The following CD109 variants were observed in gnomAD, a reference collection of about 807,000 sequenced individuals.
CD109 encodes CD109 antigen.
Under a neutral mutation model 165.8 loss-of-function variants are expected in CD109, and 149 were observed. The ratio of observed to expected loss-of-function variants is 0.90; its 90% CI spans 0.79 to 1.03. The LOEUF is 1.03. Among genes scored for constraint, CD109 ranks in the 50% least tolerant of loss-of-function variants. The pLI is 0.00. For synonymous variants in CD109, 585 were observed against 592.1 expected (o/e 0.99, Z 0.18); for missense variants, 1,712 against 1,677.8 (o/e 1.02, Z -0.36).
intron 17 of CD109, among the ~76,000 whole-genome samples, chr6:73,781,836 C>CACACACACACA (rs386359122): frequency 4.8e-5 from 3 of 62,102 alleles, no homozygotes; most frequent in African/African-American, 7.2e-5. Context: ...CACACACACA[C>CACACACACACA]CCCTCATCAA....
intron 4 of CD109, among the ~76,000 whole-genome samples, chr6:73,732,690 C>A (rs1772408654): frequency 6.6e-6 from 1 of 152,258 alleles, no homozygotes; most frequent in African/African-American, 2.4e-5. Flanking sequence ...ATTGCCTGTT[C>A]TAGACATCAA....
intron 31 of CD109, 39 bp downstream of exon 31, chr6:73,818,574 C>T (rs1776016140): frequency 6.4e-7 from 1 of 1,573,170 alleles, no homozygotes; most frequent in Non-Finnish European, 8.7e-7. Flanking sequence ...GACAAAGCCA[C>T]TGTGTTTTGT....
upstream of CD109, among the ~76,000 whole-genome samples, chr6:73,693,038 A>G (rs925695418): frequency 8.5e-5 from 13 of 152,188 alleles, no homozygotes; most frequent in African/African-American, 3.1e-4. Flanking sequence ...CCAATTAAAC[A>G]AATAGTTTTT....
At chr6:73,694,579 T>C (rs1770758780), upstream of CD109, 1 of 152,274 alleles carries the variant, frequency 6.6e-6, no homozygotes, top group African/African-American at 2.4e-5. Flanking sequence ...TTTTCTGTGT[T>C]CTTAATTGCC....
intron 22 of CD109, among the ~76,000 whole-genome samples, chr6:73,789,988 C>CTCACCTCAGG (rs1200939654): frequency 6.6e-6 from 1 of 151,438 alleles, no homozygotes; most frequent in African/African-American, 2.4e-5. Context: ...TCTCGAACCC[C>CTCACCTCAGG]TGACCCAAAG....
At chr6:73,808,805 GGT>G (rs10552233) in intron 26 of CD109, among the ~76,000 whole-genome samples, 21,040 of 145,706 alleles carry the variant, frequency 0.14, 1,848 homozygotes, top group East Asian at 0.43. Flanking sequence ...CAGGGATCCA[GGT>G]GTGTGTGTGT....
At chr6:73,773,454 A>G (rs1007874602) in intron 15 of CD109, among the ~76,000 whole-genome samples, 46 of 152,192 alleles carry the variant, frequency 3.0e-4, no homozygotes, top group African/African-American at 1.1e-3. Flanking sequence ...ACTTATAAGT[A>G]TGGTAATTCT....
At chr6:73,812,107 T>A (rs1775776687) in intron 28 of CD109, 98 bp from the exon 29 acceptor site, 9 of 711,580 alleles carry the variant, frequency 1.3e-5, no homozygotes. Flanking sequence ...AGTGATTGCT[T>A]CTTTTCCTAA....
intron 4 of CD109, among the ~76,000 whole-genome samples, chr6:73,735,909 T>G (rs1772522078): frequency 1.3e-5 from 2 of 152,164 alleles, no homozygotes; most frequent in South Asian, 4.1e-4. Flanking sequence ...TCTCTACAGT[T>G]AAATTTTCTT....
At chr6:73,812,603 G>A (rs901263064) in intron 29 of CD109, among the ~76,000 whole-genome samples, 2 of 152,048 alleles carry the variant, frequency 1.3e-5, no homozygotes, top group Non-Finnish European at 2.9e-5. Context: ...TGAGAATATA[G>A]AAGTCAACAT....
At chr6:73,786,400 T>C (rs1009627515) in intron 20 of CD109, among the ~76,000 whole-genome samples, 1 of 152,186 alleles carries the variant, frequency 6.6e-6, no homozygotes, top group African/African-American at 2.4e-5. Flanking sequence ...ATTTAAATTT[T>C]AATTTTTTAA....
At chr6:73,741,958 A>T (rs147251743) in intron 5 of CD109, among the ~76,000 whole-genome samples, 12 of 152,354 alleles carry the variant, frequency 7.9e-5, no homozygotes, top group African/African-American at 2.9e-4. Context: ...GGCATGAGCC[A>T]CTGTGCCTGG....
the CD109 span, among the ~76,000 whole-genome samples, chr6:73,684,930 C>CTTT: frequency 4.6e-4 from 64 of 138,416 alleles, no homozygotes; most frequent in African/African-American, 1.6e-3. Flanking sequence ...ATTTTTTTTT[C>CTTT]TTTTTTTTTT....
At chr6:73,808,805 GGTGT>G (rs10552233) in intron 26 of CD109, among the ~76,000 whole-genome samples, 77,963 of 145,716 alleles carry the variant, frequency 0.54, 22,308 homozygotes, top group Non-Finnish European at 0.66. Flanking sequence ...CAGGGATCCA[GGTGT>G]GTGTGTGTGT....
intron 30 of CD109, 23 bp downstream of exon 30, chr6:73,815,146 CTTCT>C: frequency 1.3e-6 from 2 of 1,537,648 alleles, no homozygotes; most frequent in Non-Finnish European, 1.7e-6. Flanking sequence ...TTAGGTCTCT[CTTCT>C]TTTTTTCCTT....
intron 16 of CD109, among the ~76,000 whole-genome samples, 180 bp from the exon 17 acceptor site, chr6:73,781,079 G>T (rs1003666066): frequency 2.0e-5 from 3 of 150,864 alleles, no homozygotes; most frequent in Non-Finnish European, 4.4e-5. Context: ...AAAGGTTGAT[G>T]TGTGTGTGCG....
At chr6:73,792,577 C>T (rs749220027) in intron 22 of CD109, 49 bp from the exon 23 acceptor site, 90 of 1,548,528 alleles carry the variant, frequency 5.8e-5, no homozygotes, top group Middle Eastern at 1.7e-4. Context: ...ACCAGCAGGT[C>T]GTTGTTACTG....
intron 2 of CD109, among the ~76,000 whole-genome samples, chr6:73,701,002 T>C (rs546805966): frequency 6.6e-6 from 1 of 151,698 alleles, no homozygotes; most frequent in Admixed American, 6.6e-5. Context: ...GAGGTTTCAC[T>C]GTGTTAGCCA....
rs1773682815 is a variant in CD109 at position 73,762,762 on chromosome 6, T to C, written c.877T>C (p.Ser293Pro). Residue 293 changes from serine (S) to proline (P), a missense_variant, in exon 9 of 33, where the codon TCT becomes CCT. Ser to Pro is a moderately conservative substitution (Grantham distance 74, BLOSUM62 -1). Transcript: ENST00000287097. ...TFKINGSANF[S>P]FNDEEMKNVM... is the part of the protein sequence containing the mutation. ...ACAGATAAATGGATCTGCAAACTTC[T>C]CTTTTAATGATGAAGAGATGAAAAA... 1 of 1,604,802 alleles carries C rather than the reference T, an allele frequency of 6.2e-7. No individual in the cohort carries two copies. The highest frequency in any genetic ancestry group is 8.5e-7 in the Non-Finnish European group (1 of 1,174,414).
Sources: gnomAD v4.1 joint callset for allele counts (sites outside exome capture counted in the v4.1 genomes callset) on GRCh38, gnomAD v4.1.1 for gene constraint, MANE v1.5 for transcripts, NCBI Gene and HGNC (gene_info 2026-07-23, HGNC 2026-07-21) for gene names.